C5AR2: variants seen among roughly 807,000 people sequenced by gnomAD.
C5AR2 encodes the protein complement C5a receptor 2.
For missense variants in C5AR2, 458 were observed against 467.5 expected (o/e 0.98, Z 0.19); for synonymous variants, 224 against 216.5 (o/e 1.03, Z -0.30).
intron 1 of C5AR2, among the ~76,000 whole-genome samples, chr19:47,340,210 G>C (rs1278516917): frequency 6.6e-6 from 1 of 151,916 alleles, no homozygotes; most frequent in Non-Finnish European, 1.5e-5. Context: ...TCCCACCTTG[G>C]CCTCTCAAAT....
intron 1 of C5AR2, among the ~76,000 whole-genome samples, chr19:47,338,738 T>C (rs1484289879): frequency 6.8e-6 from 1 of 147,804 alleles, no homozygotes; most frequent in Non-Finnish European, 1.5e-5. Flanking sequence ...CTTGGGAGGG[T>C]GAGGTGGAGG....
chr19:47,344,735 T>C lies in C5AR2; in HGVS notation c.*2922T>C, dbSNP rs1018501492. On this transcript the variant is annotated 3_prime_UTR_variant, in exon 2 of 2. Coordinates refer to ENST00000595464, the MANE Select transcript of C5AR2 (RefSeq NM_001271749.2). ...ACAAGGTCCCAGCTAAACTGTAAATTCCCCAAGGGTAACAACTGGACTAAT... is the reference window on the plus strand; with the variant it reads ...ACAAGGTCCCAGCTAAACTGTAAATCCCCCAAGGGTAACAACTGGACTAAT... 1 of 152,126 alleles carries C rather than the reference T, an allele frequency of 6.6e-6. No individual in the cohort carries two copies. Among genetic ancestry groups the C allele is most frequent in the Admixed American group, 6.6e-5 (1 of 15,250 alleles). 9.4% of individuals were successfully genotyped at this position (152,126 alleles called of 1,614,324 possible).
rs1241762416 is a variant in C5AR2, at chr19:47,336,433, TTTCC to T, written c.-16+4139_-16+4142del. Reference sequence around the variant, plus strand: ...AAATGCTGTACTCTTTCTTTCTTTCTTTCCTTCCTTCCTTCCTTCCTTCCTTCCT... The same window carrying T: ...AAATGCTGTACTCTTTCTTTCTTTCTTTCCTTCCTTCCTTCCTTCCTTCCT... On this transcript the variant is annotated intron_variant, in intron 1 of 1. Transcript: ENST00000595464. Among the ~76,000 whole-genome samples the T allele has an allele frequency of 1.8e-3, 228 of 128,968 alleles. 1 individual carries two copies. Among genetic ancestry groups the T allele is most frequent in the Middle Eastern group, 0.016 (4 of 258 alleles). The allele number at this position is 128,968 out of a possible 152,430, so 84.6% of individuals were successfully genotyped here. A position where few individuals can be genotyped will look rare whatever the true frequency, so the allele number is the denominator to read the frequency against.
Position 47,341,330 on chromosome 19 carries a change from G to C in C5AR2, c.531G>C (p.Gln177His). The C allele has an allele frequency of 6.2e-7, 1 of 1,611,616 alleles. No homozygotes were observed. The highest frequency in any genetic ancestry group is 8.5e-7 in the Non-Finnish European group (1 of 1,179,884). ...VPSAIYRRLH[Q>H]EHFPARLQCV... The stretch of plus-strand genomic sequence containing the variant: ...CCGCCATCTACCGCCGGCTGCACCA[G>C]GAGCACTTCCCAGCCCGGCTGCAGT... The change falls in exon 2 of 2, where the codon CAG becomes CAC. Residue 177 changes from glutamine (Q) to histidine (H), a missense_variant. By Grantham distance (24) the Gln-to-His change is conservative. Transcript: ENST00000595464. The surrounding 1 kb of genome is among the most constrained non-coding windows in gnomAD (Gnocchi z 4.6).
chr19:47,340,346 ATTT>A (rs1234196666), intron 1 of C5AR2, among the ~76,000 whole-genome samples: 2 of 133,806 alleles, frequency 1.5e-5, no homozygotes, highest in Non-Finnish European at 1.6e-5. Context: ...TAGAATTCCA[ATTT>A]TTTTTTTTTT....
In C5AR2 at chr19:47,341,011, C is replaced by T. The variant is rs1356318053; in HGVS notation, c.212C>T (p.Thr71Ile). The T allele has an allele frequency of 6.2e-7, 1 of 1,609,148 alleles. No homozygotes were observed. ...GKVARRRVGA[T>I]WLLHLAVADL... is the part of the protein sequence containing the mutation. ...GTGGCCCGCCGGAGGGTGGGTGCCA[C>T]CTGGTTGCTCCACCTGGCCGTGGCG... The change falls in exon 2 of 2, where the codon ACC becomes ATC. Residue 71 changes from threonine to isoleucine, a missense_variant. Transcript: ENST00000595464. This position sits in a 1 kb window ranked among gnomAD's most constrained non-coding sequence, Gnocchi z 4.6.
In C5AR2 at chr19:47,339,995, C is replaced by T. The variant is rs185458701; in HGVS notation, c.-15-790C>T. ...TTTTATTTTTTGAGACAGAGTCTCT[C>T]TCTGTCATCCTGGCTGGAGTGCAGG... is the stretch of plus-strand genomic sequence containing the variant. On this transcript the variant is annotated intron_variant, in intron 1 of 1. Coordinates refer to ENST00000595464, the MANE Select transcript of C5AR2 (RefSeq NM_001271749.2). Among the ~76,000 whole-genome samples the T allele has an allele frequency of 5.5e-3, 834 of 152,064 alleles. 11 individuals are homozygous for T. The highest frequency in any genetic ancestry group is 0.019 in the African/African-American group (779 of 41,482).
rs1422331905 is a variant in C5AR2, at chr19:47,343,320, A to G, written c.*1507A>G. ...GACCTCTGATCCGCAGACCTTTAAG[A>G]AAATACATTTGTATTGTTTTAAGTC... On this transcript the variant is annotated 3_prime_UTR_variant, in exon 2 of 2. Coordinates refer to ENST00000595464, the MANE Select transcript of C5AR2 (RefSeq NM_001271749.2). 6.6e-6 allele frequency: 1 copy of G among 152,224 alleles called. No individual in the cohort carries two copies. Among genetic ancestry groups the G allele is most frequent in the Non-Finnish European group, 1.5e-5 (1 of 68,050 alleles). The allele number at this position is 152,224 out of a possible 1,614,324, so 9.4% of individuals were successfully genotyped here.
At position 47,345,303 on chromosome 19, in the gene C5AR2, T is replaced by G. The variant is rs903979724; in HGVS notation, c.*3490T>G. On this transcript the variant is annotated 3_prime_UTR_variant, in exon 2 of 2. Transcript: ENST00000595464. ...GGTGACGATATACCTGCCTAACTCTTAGGATCTATTGGATTCAGGGTAGAC... is the reference window on the plus strand; with the variant it reads ...GGTGACGATATACCTGCCTAACTCTGAGGATCTATTGGATTCAGGGTAGAC... The G allele has an allele frequency of 6.6e-6, 1 of 152,176 alleles. No homozygotes were observed. The highest frequency in any genetic ancestry group is 2.4e-5 in the African/African-American group (1 of 41,320). 9.4% of individuals were successfully genotyped at this position (152,176 alleles called of 1,614,324 possible).
Position 47,341,944 on chromosome 19 carries a change from C to A in C5AR2, c.*131C>A. On this transcript the variant is annotated 3_prime_UTR_variant, in exon 2 of 2. Transcript: ENST00000595464. The surrounding 1 kb of genome is among the most constrained non-coding windows in gnomAD (Gnocchi z 4.6). Reference sequence around the variant, plus strand: ...CTTCATTCAACAGATATCCATCATGCACTTGCTATGTGCAAGGCCTTTTTA... The same window carrying A: ...CTTCATTCAACAGATATCCATCATGAACTTGCTATGTGCAAGGCCTTTTTA... 1.1e-6 allele frequency: 1 copy of A among 919,122 alleles called. No individual in the cohort carries two copies. Among genetic ancestry groups the A allele is most frequent in the Non-Finnish European group, 1.7e-6 (1 of 605,116 alleles). 56.9% of individuals were successfully genotyped at this position (919,122 alleles called of 1,614,324 possible).
At chr19:47,335,027 G>T (rs1261477032) in intron 1 of C5AR2, among the ~76,000 whole-genome samples, 1 of 149,456 alleles carries the variant, frequency 6.7e-6, no homozygotes, top group Non-Finnish European at 1.5e-5. Flanking sequence ...TGAGATTACA[G>T]GCACTCGCCC....
intron 1 of C5AR2, among the ~76,000 whole-genome samples, chr19:47,336,480 C>T (rs990282990): frequency 4.3e-5 from 3 of 70,198 alleles, no homozygotes; most frequent in Admixed American, 1.6e-4. Context: ...TTCCTTCCTT[C>T]CTTCCTTCCT....
chr19:47,339,390 C>T (rs2059373391), intron 1 of C5AR2, among the ~76,000 whole-genome samples: 1 of 151,462 alleles, frequency 6.6e-6, no homozygotes. Flanking sequence ...GATCTCAGCT[C>T]ACAGCAACCT....
At chr19:47,338,208 G>A (rs905436134) in intron 1 of C5AR2, among the ~76,000 whole-genome samples, 14 of 151,944 alleles carry the variant, frequency 9.2e-5, no homozygotes, top group Non-Finnish European at 1.5e-4. Flanking sequence ...CACAGAGTTT[G>A]AGGCTGCAGT....
In C5AR2 at chr19:47,341,845, T is replaced by A. The variant is rs1296220327; in HGVS notation, c.*32T>A. 1 of 1,595,030 alleles carries A rather than the reference T, an allele frequency of 6.3e-7. No homozygotes were observed. The highest frequency in any genetic ancestry group is 1.7e-5 in the Admixed American group (1 of 59,352). Reference sequence around the variant, plus strand: ...GAGACATTGTGGGTGTGTATCTTCTTATCTCATTTCACAAGACTGGCTTCA... The same window carrying A: ...GAGACATTGTGGGTGTGTATCTTCTAATCTCATTTCACAAGACTGGCTTCA... On this transcript the variant is annotated 3_prime_UTR_variant, in exon 2 of 2. Coordinates refer to ENST00000595464, the MANE Select transcript of C5AR2 (RefSeq NM_001271749.2). The surrounding 1 kb of genome is among the most constrained non-coding windows in gnomAD (Gnocchi z 4.6).
chr19:47,341,356 G>A lies in C5AR2; in HGVS notation c.557G>A (p.Cys186Tyr). ...GAGCACTTCCCAGCCCGGCTGCAGT[G>A]TGTGGTGGACTACGGCGGCTCCTCC... ...HQEHFPARLQ[C>Y]VVDYGGSSST... Residue 186 changes from cysteine to tyrosine, a missense_variant, in exon 2 of 2, where the codon TGT (cysteine) becomes TAT (tyrosine). Cys to Tyr is a radical substitution (Grantham distance 194). Transcript: ENST00000595464. The surrounding 1 kb of genome is among the most constrained non-coding windows in gnomAD (Gnocchi z 4.6). 1 of 1,612,460 alleles carries A rather than the reference G, an allele frequency of 6.2e-7. No individual in the cohort carries two copies. Among genetic ancestry groups the A allele is most frequent in the Non-Finnish European group, 8.5e-7 (1 of 1,179,898 alleles).
rs957260340 is a variant in C5AR2, at chr19:47,341,035, C to T, written c.236C>T (p.Ala79Val). Residue 79 changes from alanine (A) to valine (V), a missense_variant, in exon 2 of 2, where the codon GCG becomes GTG. Transcript: ENST00000595464. The surrounding 1 kb of genome is among the most constrained non-coding windows in gnomAD (Gnocchi z 4.6). ...GATWLLHLAV[A>V]DLLCCLSLPI... The stretch of plus-strand genomic sequence containing the variant: ...ACCTGGTTGCTCCACCTGGCCGTGG[C>T]GGATTTGCTGTGCTGTTTGTCTCTG... 15 of 1,607,440 alleles carry T rather than the reference C, an allele frequency of 9.3e-6. No individual in the cohort carries two copies. The highest frequency in any genetic ancestry group is 1.3e-5 in the African/African-American group (1 of 75,066).
chr19:47,347,308 T>C lies in C5AR2; in HGVS notation c.*5495T>C, dbSNP rs1969133566. 1 of 149,190 alleles carries C rather than the reference T, an allele frequency of 6.7e-6. No individual in the cohort carries two copies. The highest frequency in any genetic ancestry group is 2.1e-4 in the South Asian group (1 of 4,718). 9.2% of individuals were successfully genotyped at this position (149,190 alleles called of 1,614,324 possible). A position where few individuals can be genotyped will look rare whatever the true frequency, so the allele number is the denominator to read the frequency against. ...CCTCCAATTTTCCTTTTTTAAAAAT[T>C]ATAATTATTGTTTGGATTATTTATT... On this transcript the variant is annotated 3_prime_UTR_variant, in exon 2 of 2. Coordinates refer to ENST00000595464, the MANE Select transcript of C5AR2 (RefSeq NM_001271749.2).
chr19:47,338,548 A>G (rs2059368240), intron 1 of C5AR2, among the ~76,000 whole-genome samples: 1 of 149,618 alleles, frequency 6.7e-6, no homozygotes, highest in Non-Finnish European at 1.5e-5. Context: ...GCACAGTGGC[A>G]ATCATGCCTG....
Sources: gnomAD v4.1 joint callset for allele counts (sites outside exome capture counted in the v4.1 genomes callset) on GRCh38, gnomAD v4.1.1 for gene constraint, Gnocchi (gnomAD v3.1) non-coding constraint, MANE v1.5 for transcripts, NCBI Gene and HGNC (gene_info 2026-07-23, HGNC 2026-07-21) for gene names.